ODF2: variants seen among roughly 807,000 people sequenced by gnomAD.
The protein encoded by ODF2 is outer dense fiber of sperm tails 2.
Under a neutral mutation model 110.2 loss-of-function variants are expected in ODF2, and 47 were observed. The ratio of observed to expected loss-of-function variants is 0.43; its 90% confidence interval spans 0.34 to 0.54. The LOEUF is 0.54. Ranked by LOEUF, ODF2 falls within the 20% of genes least tolerant of loss-of-function variation. The pLI is 0.03. For missense variants in ODF2, 812 were observed against 1,054.5 expected (o/e 0.77, Z 3.19); for synonymous variants, 352 against 397.7 (o/e 0.89, Z 1.37).
At chr9:128,471,114 A>G (rs1449730492) in intron 5 of ODF2, among the ~76,000 whole-genome samples, 194 bp from the exon 6 acceptor site, 1 of 152,084 alleles carries the variant, frequency 6.6e-6, no homozygotes, top group Non-Finnish European at 1.5e-5. Flanking sequence ...GGGTTTCACC[A>G]TGTTGGTCAG....
Position 128,458,454 on chromosome 9 carries a change from T to A in ODF2, c.32+1017T>A, listed in dbSNP as rs1588682516. 2.4e-5 allele frequency among the ~76,000 whole-genome samples: 3 copies of A among 127,584 alleles called. 1 individual carries two copies. Among genetic ancestry groups the A allele is most frequent in the Admixed American group, 8.6e-5 (1 of 11,622 alleles). The allele number at this position is 127,584 out of a possible 152,430, so 83.7% of individuals were successfully genotyped here. A position where few individuals can be genotyped will look rare whatever the true frequency, so the allele number is the denominator to read the frequency against. On this transcript the variant is annotated intron_variant, in intron 2 of 20. Transcript: ENST00000604420. ...TCCAGCCTGGGCGACAGAGCGAGAC[T>A]CTATCTCAAAAAAAAAAAAAAAAAA...
At position 128,485,215 on chromosome 9, in the gene ODF2, T is replaced by A. The variant is rs1041579510; in HGVS notation, c.1291-150T>A. The A allele has an allele frequency of 1.6e-6, 1 of 614,554 alleles. No individual in the cohort carries two copies. Among genetic ancestry groups the A allele is most frequent in the Admixed American group, 2.9e-5 (1 of 34,158 alleles). The allele number at this position is 614,554 out of a possible 1,614,324, so 38.1% of individuals were successfully genotyped here. On this transcript the variant is annotated intron_variant, in intron 12 of 20. Coordinates refer to ENST00000604420, the Ensembl canonical transcript of ODF2. The surrounding 1 kb of genome is among the most constrained non-coding windows in gnomAD (Gnocchi z 5.0). ...CTGGGAGCACTAGCTGGGCTCCCAC[T>A]GTTGCTTCCAGCGCCCTCTAGAAAG...
chr9:128,467,547 C>T (rs538903166), intron 4 of ODF2, among the ~76,000 whole-genome samples: 30 of 151,964 alleles, frequency 2.0e-4, no homozygotes, highest in African/African-American at 7.0e-4. Context: ...GAGTTCGAGA[C>T]CAGCCTGGCC....
intron 4 of ODF2, among the ~76,000 whole-genome samples, chr9:128,465,161 G>T (rs1837515413): frequency 6.6e-6 from 1 of 152,164 alleles, no homozygotes; most frequent in Admixed American, 6.6e-5. Context: ...GCCTGCCCAG[G>T]TTCTCTCAGC....
At chr9:128,500,036 AGC>A in intron 20 of ODF2, 29 bp from the exon 21 acceptor site, 2 of 1,613,284 alleles carry the variant, frequency 1.2e-6, no homozygotes, top group Non-Finnish European at 1.7e-6. Flanking sequence ...GACACTGCAC[AGC>A]GGGCCCATGC....
At chr9:128,480,717 T>G (rs527363035) in intron 8 of ODF2, among the ~76,000 whole-genome samples, 344 of 152,198 alleles carry the variant, frequency 2.3e-3, no homozygotes, top group Middle Eastern at 0.02. Flanking sequence ...CTCGGGAGGC[T>G]GAGGCAGGAG....
intron 4 of ODF2, among the ~76,000 whole-genome samples, chr9:128,462,604 G>GTT (rs1350029190): frequency 5.0e-5 from 7 of 140,204 alleles, no homozygotes; most frequent in Non-Finnish European, 9.4e-5. Context: ...TTGTTTTTTT[G>GTT]TTTTTTTTTT....
intron 2 of ODF2, among the ~76,000 whole-genome samples, chr9:128,459,139 G>A (rs1188731629): frequency 6.6e-6 from 1 of 152,142 alleles, no homozygotes; most frequent in Non-Finnish European, 1.5e-5. Flanking sequence ...GACATGGCTT[G>A]TGGCCACTAA....
chr9:128,456,797 T>G, intron 1 of ODF2: 4 of 976,296 alleles, frequency 4.1e-6, no homozygotes, highest in Non-Finnish European at 4.2e-6. Context: ...GCCCGGCGTC[T>G]ATCCTGCTCA....
At chr9:128,462,868 C>G (rs962219500) in intron 4 of ODF2, among the ~76,000 whole-genome samples, 1 of 152,150 alleles carries the variant, frequency 6.6e-6, no homozygotes, top group African/African-American at 2.4e-5. Flanking sequence ...GCTGGGATTA[C>G]AAGTACAGGG....
chr9:128,471,428 C>T, exon 6 of ODF2: 1 of 1,613,530 alleles, frequency 6.2e-7, no homozygotes, highest in Non-Finnish European at 8.5e-7. Flanking sequence ...GGTGTTGAGG[C>T]ACAACATCGA....
chr9:128,496,233 G>C, intron 18 of ODF2, 92 bp downstream of exon 18: 1 of 1,575,704 alleles, frequency 6.3e-7, no homozygotes, highest in South Asian at 1.1e-5. Context: ...CGGAAGTGTT[G>C]AGGGACTCGA....
chr9:128,498,195 G>A (rs368930585), intron 18 of ODF2: 22 of 510,282 alleles, frequency 4.3e-5, no homozygotes, highest in African/African-American at 1.6e-4. Flanking sequence ...CAGTCTCTGC[G>A]TTCCCACCCT....
chr9:128,496,942 G>T (rs1448793364), intron 18 of ODF2, among the ~76,000 whole-genome samples: 1 of 151,986 alleles, frequency 6.6e-6, no homozygotes, highest in Admixed American at 6.6e-5. Flanking sequence ...TGCCCAGGCT[G>T]GTCCTGAACT....
intron 16 of ODF2, among the ~76,000 whole-genome samples, chr9:128,493,113 G>A (rs1017570512): frequency 2.6e-4 from 39 of 151,188 alleles, no homozygotes; most frequent in African/African-American, 9.0e-4. Flanking sequence ...GGCTGGGCAC[G>A]GTCTCTCACA....
At chr9:128,496,428 G>T in intron 18 of ODF2, 1 of 1,056,084 alleles carries the variant, frequency 9.5e-7, no homozygotes, top group East Asian at 4.6e-5. Context: ...CCTGCCAGGA[G>T]GGCCCAGTTT....
intron 14 of ODF2, among the ~76,000 whole-genome samples, chr9:128,490,789 C>T (rs577395877): frequency 1.3e-5 from 2 of 152,246 alleles, no homozygotes; most frequent in South Asian, 2.1e-4. Flanking sequence ...ACTATATTTA[C>T]GGACATCTGT....
exon 21 of ODF2, chr9:128,500,403 C>A: frequency 5.8e-6 from 4 of 687,918 alleles, no homozygotes; most frequent in East Asian, 2.6e-5. Flanking sequence ...AGAAAAGTCC[C>A]AAAAGCAGCA....
intron 18 of ODF2, chr9:128,498,209 C>G (rs1845987960): frequency 4.8e-6 from 3 of 623,932 alleles, no homozygotes; most frequent in Non-Finnish European, 7.3e-6. Context: ...CCACCCTTCA[C>G]TCTGTTCTCT....
Sources: gnomAD v4.1 joint callset for allele counts (sites outside exome capture counted in the v4.1 genomes callset) on GRCh38, gnomAD v4.1.1 for gene constraint, Gnocchi (gnomAD v3.1) non-coding constraint, MANE v1.5 for transcripts, NCBI Gene and HGNC (gene_info 2026-07-23, HGNC 2026-07-21) for gene names.